Variants in KLRF1 observed in about 807,000 individuals in gnomAD.
KLRF1 encodes the protein killer cell lectin-like receptor subfamily F member 1.
Under a neutral mutation model 30.7 loss-of-function variants are expected in KLRF1, and 27 were observed. The observed-to-expected ratio is 0.88, with a 90% CI of 0.65 to 1.21. The LOEUF (loss-of-function observed/expected upper bound fraction) is 1.21. Among genes scored for constraint, KLRF1 ranks in the 50% most tolerant of loss-of-function variants. The probability of loss-of-function intolerance (pLI) is 0.00; values close to 1 mark genes in which losing one functional copy is unlikely to be tolerated. For missense variants in KLRF1, 246 were observed against 259.3 expected, an observed-to-expected ratio of 0.95 and a Z score of 0.35; for synonymous variants, 92 against 89.3, an observed-to-expected ratio of 1.03 and a Z score of -0.17.
the KLRF1 span, among the ~76,000 whole-genome samples, chr12:9,819,320 C>T: frequency 1.3e-5 from 2 of 152,130 alleles, no homozygotes; most frequent in Non-Finnish European, 2.9e-5. Flanking sequence ...GGCCCTGCTT[C>T]CATGGCACCT....
chr12:9,821,106 C>T, the KLRF1 span, among the ~76,000 whole-genome samples: 1 of 152,024 alleles, frequency 6.6e-6, no homozygotes, highest in African/African-American at 2.4e-5. Flanking sequence ...AACAAAGATC[C>T]TGAGGGCTAC....
intron 1 of KLRF1, among the ~76,000 whole-genome samples, chr12:9,830,268 A>ACTTTT (rs1361996019): frequency 1.3e-5 from 2 of 152,074 alleles, no homozygotes; most frequent in Non-Finnish European, 2.9e-5. Context: ...TTATTTTTAT[A>ACTTTT]AATGCAGCTA....
chr12:9,808,254 A>G, the KLRF1 span, among the ~76,000 whole-genome samples: 1 of 152,114 alleles, frequency 6.6e-6, no homozygotes, highest in Non-Finnish European at 1.5e-5. Context: ...TACCATAGAA[A>G]ATTCCTTTGT....
the KLRF1 span, among the ~76,000 whole-genome samples, chr12:9,812,516 G>T: frequency 6.6e-5 from 10 of 152,236 alleles, no homozygotes; most frequent in East Asian, 1.9e-3. Context: ...AAATTTCCCA[G>T]CTATGGTTGT....
At chr12:9,832,867 C>A (rs1867472435) in intron 2 of KLRF1, among the ~76,000 whole-genome samples, 1 of 152,058 alleles carries the variant, frequency 6.6e-6, no homozygotes, top group Non-Finnish European at 1.5e-5. Flanking sequence ...CCAAATATTA[C>A]AAATTCCCCA....
At chr12:9,826,697 AG>A (rs1867289464), upstream of KLRF1, among the ~76,000 whole-genome samples, 1 of 152,234 alleles carries the variant, frequency 6.6e-6, no homozygotes, top group African/African-American at 2.4e-5. Flanking sequence ...GCTATAAAAA[AG>A]AATGAGATGA....
chr12:9,808,517 T>G, the KLRF1 span, among the ~76,000 whole-genome samples: 1 of 152,106 alleles, frequency 6.6e-6, no homozygotes, highest in African/African-American at 2.4e-5. Context: ...GTTAACTAGC[T>G]TAAAGATCAA....
At chr12:9,838,322 G>A (rs1867629079) in intron 3 of KLRF1, among the ~76,000 whole-genome samples, 2 of 152,138 alleles carry the variant, frequency 1.3e-5, no homozygotes, top group Non-Finnish European at 2.9e-5. Context: ...ATTCCAGGAA[G>A]CACTCATAAG....
At chr12:9,818,471 G>A in the KLRF1 span, among the ~76,000 whole-genome samples, 2 of 152,196 alleles carry the variant, frequency 1.3e-5, no homozygotes, top group Non-Finnish European at 2.9e-5. Flanking sequence ...ATACAATATT[G>A]TGTGAGGAAC....
intron 3 of KLRF1, among the ~76,000 whole-genome samples, chr12:9,833,989 C>T (rs955733078): frequency 1.5e-5 from 2 of 137,344 alleles, no homozygotes; most frequent in African/African-American, 5.6e-5. Flanking sequence ...GAAGAGTCAG[C>T]GAAGGGGAGA....
At chr12:9,811,488 A>G in the KLRF1 span, among the ~76,000 whole-genome samples, 136 of 152,314 alleles carry the variant, frequency 8.9e-4, no homozygotes, top group African/African-American at 3.2e-3. Flanking sequence ...GAGAGGGAAG[A>G]AGCTCATGCA....
chr12:9,844,712 A>G lies in KLRF1; in HGVS notation c.*186A>G. ...CCCCTGTTAACAAACTAAAATGTAC[A>G]CTTCAAAATTTTTACGTGATAGTAT... On this transcript the variant is annotated 3_prime_UTR_variant, in exon 6 of 6. Transcript: ENST00000617889. 2.3e-6 allele frequency: 1 copy of G among 429,316 alleles called. No individual in the cohort carries two copies. The highest frequency in any genetic ancestry group is 3.8e-5 in the East Asian group (1 of 26,180). 26.6% of individuals were successfully genotyped at this position (429,316 alleles called of 1,614,324 possible).
the KLRF1 span, among the ~76,000 whole-genome samples, chr12:9,816,757 G>A: frequency 4.3e-5 from 6 of 139,486 alleles, no homozygotes; most frequent in Non-Finnish European, 9.2e-5. Context: ...TTTTTGAGAC[G>A]GAGTCTCACT....
At chr12:9,842,765 T>C (rs1565510772) in intron 5 of KLRF1, among the ~76,000 whole-genome samples, 1 of 152,156 alleles carries the variant, frequency 6.6e-6, no homozygotes, top group Non-Finnish European at 1.5e-5. Flanking sequence ...TTTTGTGTTA[T>C]GTGATTATCA....
At chr12:9,800,341 A>G in the KLRF1 span, among the ~76,000 whole-genome samples, 1 of 152,162 alleles carries the variant, frequency 6.6e-6, no homozygotes, top group Non-Finnish European at 1.5e-5. Context: ...TTGGAGTACA[A>G]GTGATTTTTG....
chr12:9,826,310 G>A (rs759453099), upstream of KLRF1, among the ~76,000 whole-genome samples: 1 of 152,010 alleles, frequency 6.6e-6, no homozygotes, highest in South Asian at 2.1e-4. Context: ...TTAGGGAAAT[G>A]CAAATTAAAA....
At chr12:9,814,194 C>G in the KLRF1 span, among the ~76,000 whole-genome samples, 4 of 152,226 alleles carry the variant, frequency 2.6e-5, no homozygotes, top group South Asian at 2.1e-4. Flanking sequence ...GGGAGGCTGC[C>G]TCCAGTCAAA....
At chr12:9,831,493 T>C (rs758428523) in intron 1 of KLRF1, among the ~76,000 whole-genome samples, 1 of 152,148 alleles carries the variant, frequency 6.6e-6, no homozygotes, top group Non-Finnish European at 1.5e-5. Flanking sequence ...TAAGAATAAT[T>C]TCGGTTACAA....
intron 3 of KLRF1, among the ~76,000 whole-genome samples, chr12:9,838,355 G>C (rs1162532603): frequency 6.6e-6 from 1 of 152,066 alleles, no homozygotes; most frequent in Non-Finnish European, 1.5e-5. Context: ...TTCTGGGGGG[G>C]TGAATAGCTT....
Sources: allele counts gnomAD v4.1 joint callset (sites outside exome capture counted in the v4.1 genomes callset), GRCh38; gene constraint gnomAD v4.1.1; transcripts MANE v1.5; gene names NCBI Gene and HGNC (gene_info 2026-07-23, HGNC 2026-07-21).